SPATA17: variants seen among roughly 807,000 people sequenced by gnomAD.
SPATA17 encodes spermatogenesis associated 17, also known as spermatogenesis-associated protein 17.
Under a neutral mutation model 62.2 loss-of-function variants are expected in SPATA17, and 53 were observed. The observed-to-expected ratio is 0.85, with a 90% CI of 0.68 to 1.07. SPATA17 has a LOEUF of 1.07. Ranked by LOEUF, SPATA17 falls within the 50% of genes least tolerant of loss-of-function variation. The pLI, the probability that SPATA17 is intolerant of heterozygous loss-of-function variation, is 0.00. For missense variants in SPATA17, 466 were observed against 425.5 expected (o/e 1.10, Z -0.84); for synonymous variants, 146 against 146.8 (o/e 0.99, Z 0.04).
chr1:217,790,546 T>C (rs962274704), intron 8 of SPATA17, among the ~76,000 whole-genome samples: 2 of 152,160 alleles, frequency 1.3e-5, no homozygotes, highest in Non-Finnish European at 1.5e-5. Context: ...GTTCACGCCA[T>C]TCTCCTGCCT....
chr1:217,740,103 A>C (rs1672593488), intron 5 of SPATA17, among the ~76,000 whole-genome samples: 1 of 142,266 alleles, frequency 7.0e-6, no homozygotes, highest in South Asian at 2.5e-4. Context: ...TTTTGTATCC[A>C]AGTTCTATGT....
At chr1:217,802,934 A>G (rs917733607) in intron 9 of SPATA17, among the ~76,000 whole-genome samples, 2 of 152,068 alleles carry the variant, frequency 1.3e-5, no homozygotes, top group African/African-American at 2.4e-5. Flanking sequence ...TGTTTTTGAG[A>G]TGAAGTCTCG....
intron 9 of SPATA17, among the ~76,000 whole-genome samples, chr1:217,841,830 T>C (rs1297360604): frequency 6.6e-6 from 1 of 151,126 alleles, no homozygotes; most frequent in African/African-American, 2.4e-5. Context: ...CTGATATACA[T>C]AATTTTTCAT....
chr1:217,800,175 G>A (rs1674271848), intron 8 of SPATA17, among the ~76,000 whole-genome samples: 1 of 152,010 alleles, frequency 6.6e-6, no homozygotes, highest in South Asian at 2.1e-4. Context: ...ATATTAAAAG[G>A]GAAAATATAA....
intron 5 of SPATA17, among the ~76,000 whole-genome samples, chr1:217,719,672 A>G (rs1301730684): frequency 6.6e-6 from 1 of 152,260 alleles, no homozygotes; most frequent in African/African-American, 2.4e-5. Flanking sequence ...TACAAGATGA[A>G]TAACTTTTAA....
chr1:217,712,317 G>A (rs1671892220), intron 5 of SPATA17, among the ~76,000 whole-genome samples: 1 of 151,674 alleles, frequency 6.6e-6, no homozygotes, highest in Admixed American at 6.6e-5. Context: ...GTGGAGACAG[G>A]GTTTCTCCAT....
intron 9 of SPATA17, among the ~76,000 whole-genome samples, chr1:217,811,622 G>A (rs566524303): frequency 2.0e-5 from 3 of 151,862 alleles, no homozygotes; most frequent in East Asian, 3.9e-4. Flanking sequence ...GAACTTGGGC[G>A]GCGGAGGTTG....
At chr1:217,742,619 T>G (rs1271582591) in intron 6 of SPATA17, among the ~76,000 whole-genome samples, 3 of 152,232 alleles carry the variant, frequency 2.0e-5, no homozygotes, top group Non-Finnish European at 2.9e-5. Context: ...ACTTAGACAT[T>G]TATTTTACAA....
At chr1:217,812,475 G>A (rs1304995507) in intron 9 of SPATA17, among the ~76,000 whole-genome samples, 3 of 152,026 alleles carry the variant, frequency 2.0e-5, no homozygotes, top group East Asian at 3.9e-4. Context: ...TCAATAATAG[G>A]ATAATGTGCA....
At chr1:217,809,404 A>G (rs184667371) in intron 9 of SPATA17, among the ~76,000 whole-genome samples, 7 of 152,318 alleles carry the variant, frequency 4.6e-5, no homozygotes, top group Admixed American at 4.6e-4. Context: ...AGTAATTTAT[A>G]AAGACAAGAA....
intron 9 of SPATA17, among the ~76,000 whole-genome samples, chr1:217,806,137 G>A (rs545700826): frequency 6.6e-6 from 1 of 152,368 alleles, no homozygotes; most frequent in Non-Finnish European, 1.5e-5. Flanking sequence ...ATATGTCTCA[G>A]TGAAGTCTAA....
intron 3 of SPATA17, among the ~76,000 whole-genome samples, chr1:217,658,781 A>C (rs1670501050): frequency 6.6e-6 from 1 of 152,084 alleles, no homozygotes; most frequent in Admixed American, 6.5e-5. Flanking sequence ...AATAATAAAT[A>C]ATAATAAATA....
intron 6 of SPATA17, among the ~76,000 whole-genome samples, chr1:217,750,640 G>A (rs917065269): frequency 1.1e-4 from 16 of 152,166 alleles, no homozygotes; most frequent in Non-Finnish European, 2.1e-4. Flanking sequence ...GTATGGTTTG[G>A]GAGGTAGATT....
At chr1:217,827,190 C>G (rs1365956632) in intron 9 of SPATA17, among the ~76,000 whole-genome samples, 2 of 151,718 alleles carry the variant, frequency 1.3e-5, no homozygotes, top group Non-Finnish European at 2.9e-5. Context: ...AATTCATTTT[C>G]TATATTAAAG....
intron 5 of SPATA17, among the ~76,000 whole-genome samples, chr1:217,696,349 G>T (rs547358907): frequency 2.6e-5 from 4 of 152,250 alleles, no homozygotes; most frequent in African/African-American, 9.6e-5. Flanking sequence ...CCCTGCTTCG[G>T]CTCGCGCACA....
intron 5 of SPATA17, among the ~76,000 whole-genome samples, chr1:217,689,960 A>G (rs1198065177): frequency 6.6e-6 from 1 of 151,332 alleles, no homozygotes; most frequent in East Asian, 1.9e-4. Context: ...CTGCAGTGCA[A>G]TGGCACAATC....
At chr1:217,645,458 A>G (rs1670158010) in intron 1 of SPATA17, among the ~76,000 whole-genome samples, 1 of 152,130 alleles carries the variant, frequency 6.6e-6, no homozygotes, top group African/African-American at 2.4e-5. Flanking sequence ...TTCCATTTTT[A>G]TAAAGGTAGC....
chr1:217,837,721 C>T (rs926336450), intron 9 of SPATA17, among the ~76,000 whole-genome samples: 2 of 152,068 alleles, frequency 1.3e-5, no homozygotes, highest in Admixed American at 1.3e-4. Flanking sequence ...TTAAGTCTTA[C>T]ATTATCTTCA....
rs1432733007 is a variant in SPATA17, at chr1:217,674,642, C to T, written c.291+5559C>T. Among the ~76,000 whole-genome samples, 24 of 152,304 alleles carry T rather than the reference C, an allele frequency of 1.6e-4. No homozygotes were observed. In the East Asian group the frequency reaches 2.9e-3, roughly 18 times the overall value. ...GCCCAAGCAGAGGTGCCCACAGCCC[C>T]GAAGCCCCAGAAGGGGTGTTACAAC... On this transcript the variant is annotated intron_variant, in intron 4 of 10. Coordinates refer to ENST00000366933, the MANE Select transcript of SPATA17 (RefSeq NM_138796.4).
Sources: gnomAD v4.1 joint callset for allele counts (sites outside exome capture counted in the v4.1 genomes callset) on GRCh38, gnomAD v4.1.1 for gene constraint, MANE v1.5 for transcripts, NCBI Gene and HGNC (gene_info 2026-07-23, HGNC 2026-07-21) for gene names.